The following TENM3 variants were observed in gnomAD, a reference collection of about 807,000 sequenced individuals.
The protein encoded by TENM3 is teneurin-3.
In TENM3, 63 loss-of-function variants were observed where a neutral mutation model predicts 255.1. The observed-to-expected ratio is 0.25, with a 90% CI of 0.20 to 0.30. TENM3 has a LOEUF of 0.30. Ranked by LOEUF, TENM3 falls within the 10% of genes least tolerant of loss-of-function variation. The pLI is 1.00. For missense variants in TENM3, 2,929 were observed against 3,461.1 expected (o/e 0.85, Z 3.86); for synonymous variants, 1,306 against 1,322.3 (o/e 0.99, Z 0.27).
the TENM3 span, among the ~76,000 whole-genome samples, chr4:181,628,899 G>A: frequency 1.3e-5 from 2 of 152,090 alleles, no homozygotes; most frequent in Non-Finnish European, 2.9e-5. Flanking sequence ...GATGGGGATG[G>A]CATTGAATCT....
the TENM3 span, among the ~76,000 whole-genome samples, chr4:182,078,561 G>A: frequency 2.7e-4 from 41 of 152,098 alleles, no homozygotes; most frequent in East Asian, 6.6e-3. Context: ...CTGGACATCC[G>A]AGTATCCTAC....
At chr4:182,624,215 G>T (rs1315784015) in intron 4 of TENM3, among the ~76,000 whole-genome samples, 1 of 152,120 alleles carries the variant, frequency 6.6e-6, no homozygotes, top group Non-Finnish European at 1.5e-5. Flanking sequence ...CTAGTCTAAG[G>T]GGAATCTTTG....
chr4:182,281,175 G>A (rs558524564), intron 1 of TENM3, among the ~76,000 whole-genome samples: 1 of 152,260 alleles, frequency 6.6e-6, no homozygotes, highest in African/African-American at 2.4e-5. Flanking sequence ...GCCACACTGG[G>A]ACATATGGTC....
chr4:181,494,116 A>T, the TENM3 span, among the ~76,000 whole-genome samples: 1 of 152,182 alleles, frequency 6.6e-6, no homozygotes, highest in African/African-American at 2.4e-5. Flanking sequence ...GTCAAGGGTT[A>T]TACACCTAAT....
intron 3 of TENM3, among the ~76,000 whole-genome samples, chr4:182,535,841 C>G (rs1378998914): frequency 6.6e-6 from 1 of 151,672 alleles, no homozygotes; most frequent in Non-Finnish European, 1.5e-5. Context: ...ACCTACCTCT[C>G]AGGATTAGTG....
the TENM3 span, among the ~76,000 whole-genome samples, chr4:182,029,903 T>G: frequency 6.9e-6 from 1 of 143,932 alleles, no homozygotes; most frequent in African/African-American, 3.0e-5. Context: ...ATTCTTTATA[T>G]TGAATAAATA....
chr4:181,559,273 G>T, the TENM3 span, among the ~76,000 whole-genome samples: 1 of 152,064 alleles, frequency 6.6e-6, no homozygotes, highest in Non-Finnish European at 1.5e-5. Context: ...CTGAGACCAG[G>T]AAGAAAAGTT....
chr4:181,465,671 A>G, the TENM3 span, among the ~76,000 whole-genome samples: 2 of 152,166 alleles, frequency 1.3e-5, no homozygotes, highest in Admixed American at 6.5e-5. Flanking sequence ...CAAAACCACA[A>G]TTACTTTTGC....
Position 182,600,897 on chromosome 4 carries a change from C to CTTTTTT in TENM3, c.512-9_512-4dup, listed in dbSNP as rs548783934. 633 of 496,112 alleles carry CTTTTTT rather than the reference C, an allele frequency of 1.3e-3. 1 individual carries two copies. The highest frequency in any genetic ancestry group is 5.0e-3 in the African/African-American group (153 of 30,344). The allele number at this position is 496,112 out of a possible 1,614,324, so 30.7% of individuals were successfully genotyped here. On this transcript the variant is annotated intron_variant, in intron 3 of 27. Transcript: ENST00000511685. ...TATATATATATAATGAGTTCTCTTT[C>CTTTTTT]TTTTTTTTTTTTTTTTTTTTTTTCA...
At chr4:181,529,816 G>C in the TENM3 span, among the ~76,000 whole-genome samples, 1 of 152,166 alleles carries the variant, frequency 6.6e-6, no homozygotes, top group Non-Finnish European at 1.5e-5. Flanking sequence ...CTAGGTACTT[G>C]GAAAATATTT....
chr4:182,559,862 G>C (rs1742963548), intron 3 of TENM3, among the ~76,000 whole-genome samples: 1 of 151,956 alleles, frequency 6.6e-6, no homozygotes, highest in South Asian at 2.1e-4. Flanking sequence ...GCATAACAGA[G>C]TGACTGTAGT....
intron 4 of TENM3, among the ~76,000 whole-genome samples, chr4:182,608,535 G>A (rs189582363): frequency 6.6e-6 from 1 of 152,334 alleles, no homozygotes; most frequent in African/African-American, 2.4e-5. Context: ...GCTCACGTGC[G>A]CTGGGACAGT....
At chr4:181,606,216 T>A in the TENM3 span, among the ~76,000 whole-genome samples, 74 of 152,150 alleles carry the variant, frequency 4.9e-4, no homozygotes, top group African/African-American at 1.6e-3. Context: ...CGGTCTTGTC[T>A]CTCTCCAATC....
At chr4:181,838,802 CAAT>C in the TENM3 span, among the ~76,000 whole-genome samples, 1 of 151,764 alleles carries the variant, frequency 6.6e-6, no homozygotes, top group Non-Finnish European at 1.5e-5. Context: ...AGGAGTTTGG[CAAT>C]TTCATTAGGC....
chr4:182,406,830 A>C (rs1769614141), intron 3 of TENM3, among the ~76,000 whole-genome samples: 1 of 152,252 alleles, frequency 6.6e-6, no homozygotes, highest in Non-Finnish European at 1.5e-5. Context: ...TTCCACGAAC[A>C]AAAATAGGCT....
rs558664914 is a variant in TENM3, at chr4:182,572,788, T to C, written c.512-28136T>C. ...GCTTGAATTCACGTACCAACTCATA[T>C]TCATTGTGATACCTGCCTGATTCAG... is the stretch of plus-strand genomic sequence containing the variant. On this transcript the variant is annotated intron_variant, in intron 3 of 27. Transcript: ENST00000511685. 1.1e-4 allele frequency among the ~76,000 whole-genome samples: 17 copies of C among 152,314 alleles called. No individual in the cohort carries two copies. The East Asian group carries it at 3.1e-3, about 28-fold the overall frequency.
intron 1 of TENM3, among the ~76,000 whole-genome samples, chr4:182,258,694 G>A (rs966305608): frequency 7.2e-5 from 11 of 152,168 alleles, no homozygotes; most frequent in African/African-American, 2.7e-4. Flanking sequence ...AATGTAAAAA[G>A]CAAATCTTTT....
chr4:182,340,384 A>G (rs1475044092), intron 2 of TENM3, among the ~76,000 whole-genome samples: 1 of 152,146 alleles, frequency 6.6e-6, no homozygotes, highest in Non-Finnish European at 1.5e-5. Context: ...TCCTCTGGAA[A>G]TTCATGGGTT....
intron 3 of TENM3, among the ~76,000 whole-genome samples, chr4:182,499,966 G>T (rs949471980): frequency 6.6e-6 from 1 of 152,124 alleles, no homozygotes; most frequent in South Asian, 2.1e-4. Flanking sequence ...TTTCCATCAT[G>T]TACCTCCTGA....
Sources: gnomAD v4.1 joint callset for allele counts (sites outside exome capture counted in the v4.1 genomes callset) on GRCh38, gnomAD v4.1.1 for gene constraint, MANE v1.5 for transcripts, NCBI Gene and HGNC (gene_info 2026-07-23, HGNC 2026-07-21) for gene names.